The following BMPER variants were observed in gnomAD, a reference collection of about 807,000 sequenced individuals.
BMPER encodes the protein BMP binding endothelial regulator.
BMPER carries 45 observed loss-of-function variants against 87.3 expected under a neutral mutation model. That is an observed-to-expected ratio of 0.52 (90% confidence interval 0.41 to 0.66). The LOEUF (loss-of-function observed/expected upper bound fraction) is 0.66. BMPER is among the 30% of genes least tolerant of loss of function. The pLI is 0.00. For synonymous variants in BMPER, 326 were observed against 316.2 expected (o/e 1.03, Z -0.33); for missense variants, 784 against 867.5 (o/e 0.90, Z 1.21).
At chr7:34,046,477 C>A in intron 7 of BMPER, 72 bp downstream of exon 7, 2 of 1,488,926 alleles carry the variant, frequency 1.3e-6, no homozygotes, top group Non-Finnish European at 1.9e-6. Flanking sequence ...TGTTTATCCA[C>A]GTTGTTGTTT....
intron 3 of BMPER, among the ~76,000 whole-genome samples, chr7:33,955,682 C>G (rs570920709): frequency 6.6e-6 from 1 of 152,194 alleles, no homozygotes; most frequent in African/African-American, 2.4e-5. Flanking sequence ...TAAAAAGCAC[C>G]TAGCAGGGGT....
intron 11 of BMPER, among the ~76,000 whole-genome samples, chr7:34,068,624 CA>C (rs1788657635): frequency 6.6e-6 from 1 of 152,134 alleles, no homozygotes; most frequent in South Asian, 2.1e-4. Context: ...CTAGTTTTTC[CA>C]GTTTTTTTTT....
chr7:33,990,245 T>G (rs1277714959), intron 6 of BMPER, among the ~76,000 whole-genome samples: 1 of 139,640 alleles, frequency 7.2e-6, no homozygotes, highest in African/African-American at 2.7e-5. Flanking sequence ...TTCCTTCCCA[T>G]GAGCATGGAA....
intron 3 of BMPER, among the ~76,000 whole-genome samples, chr7:33,939,612 G>C (rs1784700524): frequency 6.6e-6 from 1 of 152,164 alleles, no homozygotes; most frequent in African/African-American, 2.4e-5. Flanking sequence ...AATCATGAGG[G>C]TGGTTTCCGC....
intron 6 of BMPER, among the ~76,000 whole-genome samples, chr7:33,976,418 GCTGGGATTA>G (rs533036486): frequency 2.9e-3 from 438 of 152,270 alleles, no homozygotes; most frequent in Middle Eastern, 6.8e-3. Flanking sequence ...CTCCCAAAGT[GCTGGGATTA>G]CAGGTGTGAG....
intron 3 of BMPER, among the ~76,000 whole-genome samples, chr7:33,937,978 G>A (rs1784650808): frequency 6.6e-6 from 1 of 152,004 alleles, no homozygotes; most frequent in African/African-American, 2.4e-5. Flanking sequence ...CCTCTCTCTT[G>A]GCCTTAGTGT....
intron 10 of BMPER, among the ~76,000 whole-genome samples, chr7:34,059,487 T>C (rs1477404528): frequency 2.0e-5 from 3 of 152,036 alleles, no homozygotes; most frequent in Non-Finnish European, 2.9e-5. Flanking sequence ...GGGGCATCCA[T>C]TCCTCCAAGC....
intron 13 of BMPER, among the ~76,000 whole-genome samples, chr7:34,110,041 C>T (rs1166053582): frequency 1.3e-5 from 2 of 152,282 alleles, no homozygotes; most frequent in Admixed American, 6.5e-5. Context: ...AGAAAGTTTT[C>T]AAATGAAGTC....
intron 13 of BMPER, among the ~76,000 whole-genome samples, chr7:34,120,755 G>A (rs934208725): frequency 1.3e-5 from 2 of 152,030 alleles, no homozygotes; most frequent in African/African-American, 4.8e-5. Flanking sequence ...TCTGTGATTA[G>A]GTAAACGAGC....
intron 6 of BMPER, among the ~76,000 whole-genome samples, chr7:34,027,274 A>G (rs961328157): frequency 1.2e-4 from 18 of 152,210 alleles, no homozygotes; most frequent in Admixed American, 9.2e-4. Flanking sequence ...CTTTTTGACT[A>G]TGTTCACATT....
At chr7:34,130,716 T>C (rs986815090) in intron 13 of BMPER, among the ~76,000 whole-genome samples, 1 of 152,200 alleles carries the variant, frequency 6.6e-6, no homozygotes, top group Non-Finnish European at 1.5e-5. Context: ...ATAAGGGCCA[T>C]GCAAGAATGC....
chr7:33,990,296 A>G (rs1786167878), intron 6 of BMPER, among the ~76,000 whole-genome samples: 1 of 136,864 alleles, frequency 7.3e-6, no homozygotes, highest in Admixed American at 7.8e-5. Context: ...TTCCTTGAGC[A>G]GTGGTTTGTA....
At position 34,055,285 on chromosome 7, in the gene BMPER, T is replaced by C. The variant is rs773893883; in HGVS notation, c.909T>C (p.Phe303=). The C allele has an allele frequency of 6.2e-7, 1 of 1,614,126 alleles. No individual in the cohort carries two copies. Among genetic ancestry groups the C allele is most frequent in the Non-Finnish European group, 8.5e-7 (1 of 1,180,020 alleles). The change falls in exon 9 of 15, where the codon TTT becomes TTC. Residue 303 remains phenylalanine (F), a synonymous_variant. Transcript: ENST00000649409. ...VPPEDIKVCK[F]GNKIFQDGEM... The stretch of plus-strand genomic sequence containing the variant: ...CAGAAGACATCAAAGTATGCAAATT[T>C]GGCAACAAGATTTTCCAGGTATGTC...
At chr7:34,101,489 G>A (rs1444663665) in intron 13 of BMPER, among the ~76,000 whole-genome samples, 3 of 152,302 alleles carry the variant, frequency 2.0e-5, no homozygotes, top group Admixed American at 1.3e-4. Flanking sequence ...CAGAAATAAG[G>A]CAAGAAAATT....
At chr7:34,148,155 G>A (rs754572363) in intron 14 of BMPER, among the ~76,000 whole-genome samples, 4 of 152,112 alleles carry the variant, frequency 2.6e-5, no homozygotes, top group Non-Finnish European at 5.9e-5. Context: ...TTAAGCCACA[G>A]TACCTTGCTG....
intron 14 of BMPER, among the ~76,000 whole-genome samples, chr7:34,146,190 G>T (rs1301225802): frequency 6.6e-6 from 1 of 152,062 alleles, no homozygotes; most frequent in East Asian, 1.9e-4. Flanking sequence ...CACTATAAAA[G>T]CCCTCTTTAC....
intron 6 of BMPER, among the ~76,000 whole-genome samples, chr7:34,039,387 T>C (rs926658486): frequency 6.6e-6 from 1 of 152,112 alleles, no homozygotes; most frequent in African/African-American, 2.4e-5. Flanking sequence ...GAGGTGATTT[T>C]GTTTCCCAGG....
At position 34,079,146 on chromosome 7, in the gene BMPER, C is replaced by T; in HGVS notation, c.1368C>T (p.Ile456=). 6.2e-7 allele frequency: 1 copy of T among 1,613,972 alleles called. No individual in the cohort carries two copies. Among genetic ancestry groups the T allele is most frequent in the South Asian group, 1.1e-5 (1 of 91,082 alleles). ...ALPCRAPHFH[I]DLDGYLLKVT... ...CCTGCCGCGCGCCACACTTCCACAT[C>T]GACCTGGATGGCTACCTCTTGAAAG... The change falls in exon 12 of 15, where the codon ATC becomes ATT. Residue 456 remains isoleucine, a synonymous_variant. Transcript: ENST00000649409.
chr7:34,126,342 G>A (rs1790401477), intron 13 of BMPER, among the ~76,000 whole-genome samples: 1 of 152,082 alleles, frequency 6.6e-6, no homozygotes, highest in Non-Finnish European at 1.5e-5. Flanking sequence ...AGCTCATCTG[G>A]GGACTTGTGG....
Sources: gnomAD v4.1 joint callset for allele counts (sites outside exome capture counted in the v4.1 genomes callset) on GRCh38, gnomAD v4.1.1 for gene constraint, MANE v1.5 for transcripts, NCBI Gene and HGNC (gene_info 2026-07-23, HGNC 2026-07-21) for gene names.